The following NACA variants were observed in gnomAD, a reference collection of about 807,000 sequenced individuals.
NACA encodes nascent polypeptide-associated complex subunit alpha.
NACA carries 42 observed loss-of-function variants against 86.4 expected under a neutral mutation model. That is an observed-to-expected ratio of 0.49 (90% confidence interval 0.38 to 0.63). The LOEUF (loss-of-function observed/expected upper bound fraction) is 0.63. Ranked by LOEUF, NACA falls within the 20% of genes least tolerant of loss-of-function variation. The probability of loss-of-function intolerance (pLI) is 0.00; values close to 1 mark genes in which losing one functional copy is unlikely to be tolerated. For missense variants in NACA, 2,157 were observed against 2,483.6 expected (o/e 0.87, Z 2.80); for synonymous variants, 898 against 973.7 (o/e 0.92, Z 1.45).
chr12:56,723,799 G>A (rs956493490), intron 2 of NACA, among the ~76,000 whole-genome samples: 14 of 152,236 alleles, frequency 9.2e-5, no homozygotes, highest in Middle Eastern at 3.4e-3. Context: ...TTTCTACAGA[G>A]ATATGTTTTA....
chr12:56,714,413 T>C lies in NACA; in HGVS notation c.5772A>G (p.Glu1924=). The change falls in exon 5 of 9, where the codon GAA becomes GAG. Residue 1924 remains glutamate, a synonymous_variant. Coordinates refer to ENST00000454682, the MANE Select transcript of NACA (RefSeq NM_001365896.1). ...AQLAAAAEID[E]EPVSKAKQSR... Reference sequence around the variant, plus strand: ...TCTGTTTTGCTTTACTGACTGGTTCTTCATCAATTTCAGCTGCTGCCGCCA... The same window carrying C: ...TCTGTTTTGCTTTACTGACTGGTTCCTCATCAATTTCAGCTGCTGCCGCCA... 6.2e-7 allele frequency: 1 copy of C among 1,614,228 alleles called. No homozygotes were observed. The highest frequency in any genetic ancestry group is 8.5e-7 in the Non-Finnish European group (1 of 1,180,042).
chr12:56,713,810 G>A (rs1953278406), intron 5 of NACA, 127 bp from the exon 6 acceptor site: 1 of 959,458 alleles, frequency 1.0e-6, no homozygotes, highest in Non-Finnish European at 1.6e-6. Context: ...CAAGAATAGA[G>A]AATGGGTTTT....
Position 56,720,820 on chromosome 12 carries a change from G to C in NACA, c.710C>G (p.Thr237Ser). 1.2e-6 allele frequency: 2 copies of C among 1,614,038 alleles called. No homozygotes were observed. The highest frequency in any genetic ancestry group is 1.7e-6 in the Non-Finnish European group (2 of 1,179,900). ...TTGAGGGGAAGCGATGGCTAGGGTA[G>C]TTGTGGGTGTTGTCTGAGGAAGGGA... is the stretch of plus-strand genomic sequence containing the variant. ...VASLPQTTPTTTLAIASPQVK... is the reference protein window; with the variant it reads ...VASLPQTTPTSTLAIASPQVK... Residue 237 changes from threonine to serine, a missense_variant, in exon 3 of 9, where the codon ACT becomes AGT. Transcript: ENST00000454682.
chr12:56,714,944 A>G (rs1337052228), intron 3 of NACA, among the ~76,000 whole-genome samples: 2 of 152,178 alleles, frequency 1.3e-5, no homozygotes, highest in Non-Finnish European at 2.9e-5. Flanking sequence ...AGTTTAATAT[A>G]CTGTAACTGC....
chr12:56,718,889 G>A lies in NACA; in HGVS notation c.2641C>T (p.Pro881Ser), dbSNP rs770288100. The A allele has an allele frequency of 2.1e-6, 3 of 1,404,020 alleles. No individual in the cohort carries two copies. The highest frequency in any genetic ancestry group is 2.3e-5 in the South Asian group (2 of 85,656). 87.0% of individuals were successfully genotyped at this position (1,404,020 alleles called of 1,614,324 possible). A position where few individuals can be genotyped will look rare whatever the true frequency, so the allele number is the denominator to read the frequency against. The change falls in exon 3 of 9, where the codon CCC becomes TCC. Residue 881 changes from proline (P) to serine (S), a missense_variant. Coordinates refer to ENST00000454682, the MANE Select transcript of NACA (RefSeq NM_001365896.1). ...GAAGGAGTGGGGGTCTCTTTGGGGG[G>A]TAGTGTTACTCCTTTGGGAGACAGA... The part of the protein sequence containing the change: ...TPLSPKGVTL[P>S]PKETPTPSVV...
In NACA at chr12:56,721,447, AT is replaced by A. The variant is rs1480716848; in HGVS notation, c.82del (p.Met28CysfsTer5). On this transcript the variant is annotated frameshift_variant, in exon 3 of 9. Transcript: ENST00000454682. LOFTEE classifies it high-confidence loss of function. ...AGCAGTGACACTCAAGGCTGAAGAC[AT>A]AGGTAGCACAGCTGGAGAAAGGCAA... ...QPQAETAVLPMSSALSVTAAL... is the reference protein window; with the variant it reads ...QPQAETAVLPXSSALSVTAAL... 1.3e-6 allele frequency: 2 copies of A among 1,505,424 alleles called. No homozygotes were observed. Among genetic ancestry groups the A allele is most frequent in the African/African-American group, 2.8e-5 (2 of 71,306 alleles). 93.3% of individuals were successfully genotyped at this position (1,505,424 alleles called of 1,614,324 possible). A position where few individuals can be genotyped will look rare whatever the true frequency, so the allele number is the denominator to read the frequency against.
In NACA at chr12:56,718,279, G is replaced by C; in HGVS notation, c.3251C>G (p.Ala1084Gly). 8.8e-7 allele frequency: 1 copy of C among 1,133,432 alleles called. No individual in the cohort carries two copies. Among genetic ancestry groups the C allele is most frequent in the Non-Finnish European group, 1.1e-6 (1 of 911,058 alleles). The allele number at this position is 1,133,432 out of a possible 1,614,324, so 70.2% of individuals were successfully genotyped here. ...PSLKGAPTPP[A>G]ATPPSPKGGP... ...TCCTTTTGGGGAGGGAGGAGTCGCA[G>C]CTGGGGGAGTGGGGGCCCCCTTGAG... Residue 1084 changes from alanine (A) to glycine (G), a missense_variant, in exon 3 of 9, where the codon GCT becomes GGT. Physicochemically the swap from Ala to Gly is moderately conservative, Grantham distance 60. This residue lies in a region of NACA where 124 missense variants were observed against 186.5 expected (regional missense o/e 0.66). Coordinates refer to ENST00000454682, the MANE Select transcript of NACA (RefSeq NM_001365896.1).
chr12:56,721,340 C>T lies in NACA; in HGVS notation c.190G>A (p.Ala64Thr). The T allele has an allele frequency of 1.2e-6, 2 of 1,609,272 alleles. No individual in the cohort carries two copies. Among genetic ancestry groups the T allele is most frequent in the East Asian group, 4.5e-5 (2 of 44,818 alleles). Residue 64 changes from alanine (A) to threonine (T), a missense_variant, in exon 3 of 9, where the codon GCT becomes ACT. Physicochemically the swap from Ala to Thr is moderately conservative, Grantham distance 58. Coordinates refer to ENST00000454682, the MANE Select transcript of NACA (RefSeq NM_001365896.1). ...GTAGAGGGGGAAGGGAATGGGGAAG[C>T]CTGGTTAGCAGCTGAGAGAGGGCAC... ...QQCPLSAANQ[A>T]SPFPSPSTIA...
Position 56,720,308 on chromosome 12 carries a change from A to G in NACA, c.1222T>C (p.Ser408Pro). Residue 408 changes from serine (S) to proline (P), a missense_variant, in exon 3 of 9, where the codon TCT becomes CCT. This residue lies in a region of NACA where 947 missense variants were observed against 917.9 expected (regional missense o/e 1.03). Transcript: ENST00000454682. ...TTGAGAATGAGAGAGGTTGTAGGAG[A>G]TAATGAAAAAGAGGTAGCTACATTT... ...SLNVATSFSL[S>P]PTTSLILKSS... is the part of the protein sequence containing the mutation. The G allele has an allele frequency of 6.2e-7, 1 of 1,613,820 alleles. No homozygotes were observed. The highest frequency in any genetic ancestry group is 8.5e-7 in the Non-Finnish European group (1 of 1,179,792).
Position 56,717,227 on chromosome 12 carries a change from G to A in NACA, c.4303C>T (p.Pro1435Ser). 3.8e-6 allele frequency: 5 copies of A among 1,315,508 alleles called. No individual in the cohort carries two copies. Among genetic ancestry groups the A allele is most frequent in the African/African-American group, 3.0e-5 (2 of 65,810 alleles). 81.5% of individuals were successfully genotyped at this position (1,315,508 alleles called of 1,614,324 possible). The change falls in exon 3 of 9, where the codon CCC (proline) becomes TCC (serine). Residue 1435 changes from proline to serine, a missense_variant. This residue lies in a region of NACA where 797 missense variants were observed against 777.6 expected (regional missense o/e 1.02). Transcript: ENST00000454682. ...AGGGAGACAGGAGTCACTGCTGGGG[G>A]AGTGAGATCTCCTTTGGATGGGGTG... Reference protein sequence around the residue: ...AATPSKGDLTPPAVTPVSLKK... With the variant: ...AATPSKGDLTSPAVTPVSLKK...
chr12:56,720,503 G>A lies in NACA; in HGVS notation c.1027C>T (p.His343Tyr), dbSNP rs753034554. ...GGATAAGAGGCCCCTGTGGAAGAAT[G>A]ATCTACAGAAATGGTCTTCACTGTA... ...DPTVKTISVD[H>Y]SSTGASYPSQ... is the part of the protein sequence containing the mutation. Residue 343 changes from histidine (H) to tyrosine (Y), a missense_variant, in exon 3 of 9, where the codon CAT becomes TAT. By Grantham distance (83) the His-to-Tyr change is moderately conservative. Transcript: ENST00000454682. 6.8e-5 allele frequency: 109 copies of A among 1,613,690 alleles called. No individual in the cohort carries two copies. Among genetic ancestry groups the A allele is most frequent in the Non-Finnish European group, 9.0e-5 (106 of 1,179,750 alleles).
chr12:56,715,793 G>C (rs994093843), intron 3 of NACA, 78 bp downstream of exon 3: 5 of 1,277,926 alleles, frequency 3.9e-6, no homozygotes, highest in Non-Finnish European at 5.3e-6. Context: ...CGCATCACAG[G>C]GTTAGTATTG....
chr12:56,722,115 G>C (rs1228816740), intron 2 of NACA, among the ~76,000 whole-genome samples: 2 of 152,166 alleles, frequency 1.3e-5, no homozygotes, highest in East Asian at 1.9e-4. Flanking sequence ...TCCTAAAGTT[G>C]AAACACTTCA....
intron 3 of NACA, among the ~76,000 whole-genome samples, chr12:56,715,337 T>G (rs2137803546): frequency 6.6e-6 from 1 of 152,242 alleles, no homozygotes; most frequent in East Asian, 1.9e-4. Context: ...CAGTAAAGAC[T>G]ACTGAGGAAA....
rs550255490 is a variant in NACA at position 56,719,692 on chromosome 12, C to T, written c.1838G>A (p.Gly613Asp). ...GATTACAGAGGCCGAGGAGTTAACA[C>T]CCAGAGGGGAGGTCATACTGCTGGC... ...KPASSMTSPL[G>D]VNSSASVIKT... is the part of the protein sequence containing the mutation. Residue 613 changes from glycine (G) to aspartate (D), a missense_variant, in exon 3 of 9, where the codon GGT becomes GAT. Gly to Asp is a moderately conservative substitution (Grantham distance 94, BLOSUM62 -1). Coordinates refer to ENST00000454682, the MANE Select transcript of NACA (RefSeq NM_001365896.1). The T allele has an allele frequency of 5.6e-6, 9 of 1,613,860 alleles. No individual in the cohort carries two copies. In the Admixed American group the frequency reaches 1.0e-4, roughly 18 times the overall value.
At position 56,719,898 on chromosome 12, in the gene NACA, G is replaced by GA; in HGVS notation, c.1631dup (p.Ser545LeufsTer24). On this transcript the variant is annotated frameshift_variant, in exon 3 of 9. Transcript: ENST00000454682. LOFTEE classifies it high-confidence loss of function. ...TGGTGAGTCCTGCTTGGGCTGGAGA[G>GA]AAAGGGGCTCCTTCAAGAGAGGCAG... 6.2e-7 allele frequency: 1 copy of GA among 1,613,944 alleles called. No individual in the cohort carries two copies. Among genetic ancestry groups the GA allele is most frequent in the Non-Finnish European group, 8.5e-7 (1 of 1,179,868 alleles).
At chr12:56,713,227 T>A (rs761348765) in intron 6 of NACA, 37 bp from the exon 7 acceptor site, 11 of 1,605,196 alleles carry the variant, frequency 6.9e-6, no homozygotes, top group Non-Finnish European at 9.4e-6. Context: ...GTGAGTAGAT[T>A]AGCAGTCTTT....
Position 56,716,941 on chromosome 12 carries a change from G to A in NACA, c.4589C>T (p.Thr1530Ile), listed in dbSNP as rs1241348406. 3.1e-6 allele frequency: 4 copies of A among 1,305,328 alleles called. No homozygotes were observed. Among genetic ancestry groups the A allele is most frequent in the African/African-American group, 3.0e-5 (2 of 66,174 alleles). 80.9% of individuals were successfully genotyped at this position (1,305,328 alleles called of 1,614,324 possible). The change falls in exon 3 of 9, where the codon ACA (threonine) becomes ATA (isoleucine). Residue 1530 changes from threonine to isoleucine, a missense_variant. Physicochemically the swap from Thr to Ile is moderately conservative, Grantham distance 89. Coordinates refer to ENST00000454682, the MANE Select transcript of NACA (RefSeq NM_001365896.1). Reference sequence around the variant, plus strand: ...GGTCTTTTTAGAGAGAAGAGTCGCTGTTGGGGCAATGGGGTCCCTTCTGGA... The same window carrying A: ...GGTCTTTTTAGAGAGAAGAGTCGCTATTGGGGCAATGGGGTCCCTTCTGGA... The part of the protein sequence containing the change: ...PSSRRDPIAP[T>I]ATLLSKKTPA...
At chr12:56,723,024 C>G (rs1565900179) in intron 2 of NACA, among the ~76,000 whole-genome samples, 2 of 152,074 alleles carry the variant, frequency 1.3e-5, no homozygotes, top group Admixed American at 6.5e-5. Flanking sequence ...AGTGGGTAGG[C>G]CAAAGTCTAA....
Sources: gnomAD v4.1 joint callset for allele counts (sites outside exome capture counted in the v4.1 genomes callset) on GRCh38, gnomAD v4.1.1 for gene constraint, gnomAD v4.1.1 regional missense constraint, MANE v1.5 for transcripts, NCBI Gene and HGNC (gene_info 2026-07-23, HGNC 2026-07-21) for gene names.